The following FAM117A variants were observed in gnomAD, a reference collection of about 807,000 sequenced individuals.
The protein encoded by FAM117A is family with sequence similarity 117 member A.
In FAM117A, 21 loss-of-function variants were observed where a neutral mutation model predicts 44.1. The ratio of observed to expected loss-of-function variants is 0.48; its 90% CI spans 0.34 to 0.69. FAM117A has a LOEUF of 0.69. Ranked by LOEUF, FAM117A falls within the 30% of genes least tolerant of loss-of-function variation. The pLI, the probability that FAM117A is intolerant of heterozygous loss-of-function variation, is 0.01. For synonymous variants in FAM117A, 220 were observed against 238.3 expected (o/e 0.92, Z 0.71); for missense variants, 498 against 589.9 (o/e 0.84, Z 1.61).
intron 1 of FAM117A, among the ~76,000 whole-genome samples, chr17:49,753,138 C>T (rs1287536697): frequency 2.6e-5 from 4 of 152,288 alleles, no homozygotes; most frequent in South Asian, 4.1e-4. Context: ...GCTGGGATTA[C>T]AGGTGTGAGC....
chr17:49,723,614 A>G (rs1307293718), intron 2 of FAM117A, among the ~76,000 whole-genome samples: 1 of 152,138 alleles, frequency 6.6e-6, no homozygotes, highest in Non-Finnish European at 1.5e-5. Context: ...CTCCTCCAAG[A>G]GATCTGCTGA....
At chr17:49,716,416 G>T in intron 6 of FAM117A, 101 bp from the exon 7 acceptor site, 2 of 1,062,906 alleles carry the variant, frequency 1.9e-6, no homozygotes, top group Non-Finnish European at 2.6e-6. Context: ...GGGGACACAT[G>T]GTAAGGAAGA....
At chr17:49,716,597 C>G (rs1251035725) in intron 6 of FAM117A, among the ~76,000 whole-genome samples, 1 of 152,164 alleles carries the variant, frequency 6.6e-6, no homozygotes, top group African/African-American at 2.4e-5. Flanking sequence ...GACCGGAACT[C>G]CAGATCTCAG....
chr17:49,711,421 C>T lies in FAM117A; in HGVS notation c.1196G>A (p.Arg399His), dbSNP rs116402466. 3.0e-4 allele frequency: 489 copies of T among 1,613,490 alleles called. 1 individual carries two copies. The African/African-American group carries it at 5.3e-3, about 18-fold the overall frequency. The part of the protein sequence containing the change: ...PLFPGMGFIF[R>H]NCPSNPGSPL... ...AGATCCCGGGTTTGAGGGGCAGTTA[C>T]GGAAGATGAAGCCCATGCCGGGGAA... is the stretch of plus-strand genomic sequence containing the variant. The change falls in exon 8 of 8, where the codon CGT (arginine) becomes CAT (histidine). Residue 399 changes from arginine (R) to histidine (H), a missense_variant. By Grantham distance (29) the Arg-to-His change is conservative. Around this residue, in one of 3 missense-constraint regions of FAM117A, gnomAD observed 224 missense variants for 296.5 expected, o/e 0.76. Coordinates refer to ENST00000240364, the MANE Select transcript of FAM117A (RefSeq NM_030802.4).
In FAM117A at chr17:49,711,555, C is replaced by T. The variant is rs772494787; in HGVS notation, c.1062G>A (p.Thr354=). 1 of 1,613,538 alleles carries T rather than the reference C, an allele frequency of 6.2e-7. No homozygotes were observed. The highest frequency in any genetic ancestry group is 1.1e-5 in the South Asian group (1 of 91,052). ...CEKVRVFEEA[T]SPGPDLAFLT... ...GGAAGGCCAGGTCAGGACCTGGAGA[C>T]CTGGAGGATGAAGAGAGACACACAA... Residue 354 remains threonine, a splice_region_variant and synonymous_variant, in exon 8 of 8, where the codon ACG becomes ACA. Transcript: ENST00000240364.
At chr17:49,715,256 A>T (rs1187386844) in intron 7 of FAM117A, among the ~76,000 whole-genome samples, 1 of 152,176 alleles carries the variant, frequency 6.6e-6, no homozygotes, top group Non-Finnish European at 1.5e-5. Flanking sequence ...TTTTCTCTGT[A>T]ACTCCTACTG....
intron 1 of FAM117A, among the ~76,000 whole-genome samples, chr17:49,750,634 C>T (rs201436759): frequency 6.6e-6 from 1 of 151,794 alleles, no homozygotes; most frequent in Admixed American, 6.6e-5. Context: ...AAAATTAGCC[C>T]GGCATGGTGG....
upstream of FAM117A, among the ~76,000 whole-genome samples, chr17:49,766,620 C>T (rs910519040): frequency 1.3e-5 from 2 of 152,198 alleles, no homozygotes; most frequent in African/African-American, 4.8e-5. Flanking sequence ...TGTCTGACAA[C>T]TTATACTGTG....
chr17:49,762,845 GTACTTGCATTTGTGGGA>G (rs1362808379), intron 1 of FAM117A, among the ~76,000 whole-genome samples: 1 of 152,138 alleles, frequency 6.6e-6, no homozygotes, highest in Non-Finnish European at 1.5e-5. Context: ...CCCTTCCTAA[GTACTTGCATTTGTGGGA>G]TCCTCACAGA....
chr17:49,752,544 C>T (rs1248257082), intron 1 of FAM117A, among the ~76,000 whole-genome samples: 1 of 152,184 alleles, frequency 6.6e-6, no homozygotes, highest in East Asian at 1.9e-4. Context: ...AATCCTTTTC[C>T]TGTAAGATCC....
chr17:49,759,908 G>A (rs181815738), intron 1 of FAM117A, among the ~76,000 whole-genome samples: 16 of 152,180 alleles, frequency 1.1e-4, no homozygotes, highest in African/African-American at 3.6e-4. Flanking sequence ...TTCATAATCT[G>A]TTCACAAAAA....
At chr17:49,749,994 T>C (rs2073669955) in intron 1 of FAM117A, among the ~76,000 whole-genome samples, 2 of 148,848 alleles carry the variant, frequency 1.3e-5, no homozygotes, top group Admixed American at 6.7e-5. Flanking sequence ...GAGTAAGATA[T>C]GTTATCAGGA....
Position 49,763,698 on chromosome 17 carries a change from C to G in FAM117A, c.196+194G>C, listed in dbSNP as rs558289681. 1.9e-4 allele frequency among the ~76,000 whole-genome samples: 29 copies of G among 152,184 alleles called. 1 individual carries two copies. The South Asian group carries it at 5.8e-3, about 31-fold the overall frequency. Reference sequence around the variant, plus strand: ...GGACCCGACTCCCCGCACACTCCGTCCCAGCGGTGCTCCCCACGTTTCACG... The same window carrying G: ...GGACCCGACTCCCCGCACACTCCGTGCCAGCGGTGCTCCCCACGTTTCACG... On this transcript the variant is annotated intron_variant, in intron 1 of 7. Coordinates refer to ENST00000240364, the MANE Select transcript of FAM117A (RefSeq NM_030802.4).
intron 1 of FAM117A, among the ~76,000 whole-genome samples, chr17:49,734,710 A>C (rs2073603001): frequency 6.6e-6 from 1 of 152,246 alleles, no homozygotes; most frequent in Non-Finnish European, 1.5e-5. Context: ...ACTCCTAGGT[A>C]TATACCAACA....
chr17:49,740,500 T>C (rs1414677593), intron 1 of FAM117A, among the ~76,000 whole-genome samples: 6 of 152,162 alleles, frequency 3.9e-5, no homozygotes, highest in African/African-American at 7.2e-5. Context: ...CCGCCCACCT[T>C]GTCCTCCCAA....
At chr17:49,728,775 G>A (rs1224587285) in intron 2 of FAM117A, among the ~76,000 whole-genome samples, 4 of 152,244 alleles carry the variant, frequency 2.6e-5, no homozygotes, top group African/African-American at 9.6e-5. Flanking sequence ...CAAAGCAATC[G>A]GTGGCCAGCT....
chr17:49,739,242 G>A (rs969215956), intron 1 of FAM117A, among the ~76,000 whole-genome samples: 1 of 152,170 alleles, frequency 6.6e-6, no homozygotes, highest in South Asian at 2.1e-4. Flanking sequence ...GAAGGAGTCC[G>A]GAAAGAGGAG....
chr17:49,736,010 C>T (rs1286505930), intron 1 of FAM117A, among the ~76,000 whole-genome samples: 12 of 152,110 alleles, frequency 7.9e-5, no homozygotes, highest in Non-Finnish European at 2.9e-5. Flanking sequence ...AAAAAACCCT[C>T]AACTCTCAAC....
intron 7 of FAM117A, among the ~76,000 whole-genome samples, chr17:49,713,902 G>A (rs1474053043): frequency 6.6e-6 from 1 of 152,198 alleles, no homozygotes; most frequent in African/African-American, 2.4e-5. Context: ...GTCAGGAGAG[G>A]TGGAGGGTAA....
Sources: gnomAD v4.1 joint callset for allele counts (sites outside exome capture counted in the v4.1 genomes callset) on GRCh38, gnomAD v4.1.1 for gene constraint, gnomAD v4.1.1 regional missense constraint, MANE v1.5 for transcripts, NCBI Gene and HGNC (gene_info 2026-07-23, HGNC 2026-07-21) for gene names.